PLEKHH2: variants seen among roughly 807,000 people sequenced by gnomAD.
PLEKHH2 encodes the protein pleckstrin homology, MyTH4 and FERM domain containing H2.
In PLEKHH2, 129 loss-of-function variants were observed where a neutral mutation model predicts 187.9. The ratio of observed to expected loss-of-function variants is 0.69; its 90% CI spans 0.59 to 0.79. PLEKHH2 has a LOEUF of 0.79. PLEKHH2 is among the 30% of genes least tolerant of loss of function. PLEKHH2 has a pLI of 0.00. For synonymous variants in PLEKHH2, 686 were observed against 605.6 expected, an observed-to-expected ratio of 1.13 and a Z score of -1.95; for missense variants, 2,076 against 1,751.2, an observed-to-expected ratio of 1.19 and a Z score of -3.31.
chr2:43,638,788 C>G (rs926740225), intron 1 of PLEKHH2, among the ~76,000 whole-genome samples: 2 of 147,002 alleles, frequency 1.4e-5, no homozygotes, highest in African/African-American at 2.6e-5. Context: ...AGATGGTGCA[C>G]TAATACAACA....
chr2:43,744,939 A>G (rs1327735913), intron 23 of PLEKHH2, among the ~76,000 whole-genome samples: 1 of 152,074 alleles, frequency 6.6e-6, no homozygotes, highest in Non-Finnish European at 1.5e-5. Context: ...GGAAATGAAA[A>G]GGGAGGGATT....
At chr2:43,644,989 T>A (rs1487421897) in intron 2 of PLEKHH2, among the ~76,000 whole-genome samples, 193 bp downstream of exon 2, 1 of 152,162 alleles carries the variant, frequency 6.6e-6, no homozygotes, top group African/African-American at 2.4e-5. Flanking sequence ...TTGCAAATGC[T>A]AGTGGCATAT....
At chr2:43,721,524 T>C (rs1670480016) in intron 16 of PLEKHH2, among the ~76,000 whole-genome samples, 1 of 152,142 alleles carries the variant, frequency 6.6e-6, no homozygotes, top group East Asian at 1.9e-4. Context: ...CCAGCTGTAT[T>C]TAAAATACAT....
At chr2:43,688,055 C>A (rs930686577) in intron 3 of PLEKHH2, among the ~76,000 whole-genome samples, 3 of 152,200 alleles carry the variant, frequency 2.0e-5, no homozygotes, top group Admixed American at 6.5e-5. Context: ...CCCTCCTCGG[C>A]CTCCCAAAGT....
chr2:43,668,211 T>C (rs765490241), intron 2 of PLEKHH2, among the ~76,000 whole-genome samples: 15 of 152,184 alleles, frequency 9.9e-5, no homozygotes, highest in Non-Finnish European at 1.9e-4. Flanking sequence ...TTTTGTGTTT[T>C]AATAGAGACA....
rs1044632069 is a variant in PLEKHH2 at position 43,751,198 on chromosome 2, T to C, written c.3654-2421T>C. ...GCTTTGTAGATATTTGTCGTTACCATGAGTATGACGCATACGTACAAGAGG... is the reference window on the plus strand; with the variant it reads ...GCTTTGTAGATATTTGTCGTTACCACGAGTATGACGCATACGTACAAGAGG... On this transcript the variant is annotated intron_variant, in intron 24 of 29. Transcript: ENST00000282406. 3.3e-5 allele frequency among the ~76,000 whole-genome samples: 5 copies of C among 152,228 alleles called. No homozygotes were observed. The East Asian group carries it at 7.7e-4, about 23-fold the overall frequency.
At chr2:43,721,935 C>G (rs368773609) in intron 16 of PLEKHH2, among the ~76,000 whole-genome samples, 1 of 151,596 alleles carries the variant, frequency 6.6e-6, no homozygotes, top group Non-Finnish European at 1.5e-5. Flanking sequence ...GGGAAAATGC[C>G]GACATACAAA....
At chr2:43,731,225 C>T (rs1008002545) in intron 18 of PLEKHH2, among the ~76,000 whole-genome samples, 2 of 152,070 alleles carry the variant, frequency 1.3e-5, no homozygotes, top group South Asian at 2.1e-4. Flanking sequence ...AGAACTTACT[C>T]ATGTAACCAC....
chr2:43,743,862 T>C lies in PLEKHH2; in HGVS notation c.3428T>C (p.Val1143Ala). Residue 1143 changes from valine (V) to alanine (A), a missense_variant, in exon 23 of 30, where the codon GTG becomes GCG. By Grantham distance (64) the Val-to-Ala change is moderately conservative. Transcript: ENST00000282406. ...GTTGGTTTTGACGCATCTACCACAG[T>C]GGAAGAATTTTTGAATACTTTGAAC... ...QVVGFDASTTVEEFLNTLNQD... is the reference protein window; with the variant it reads ...QVVGFDASTTAEEFLNTLNQD... The C allele has an allele frequency of 6.2e-7, 1 of 1,614,004 alleles. No homozygotes were observed. The highest frequency in any genetic ancestry group is 8.5e-7 in the Non-Finnish European group (1 of 1,179,932).
chr2:43,657,149 G>T (rs969597257), intron 2 of PLEKHH2, among the ~76,000 whole-genome samples: 2 of 152,228 alleles, frequency 1.3e-5, no homozygotes, highest in African/African-American at 4.8e-5. Flanking sequence ...GATCACTCAT[G>T]TGACTGCATT....
chr2:43,763,396 A>T (rs962755172), intron 28 of PLEKHH2, among the ~76,000 whole-genome samples: 1 of 150,990 alleles, frequency 6.6e-6, no homozygotes, highest in Non-Finnish European at 1.5e-5. Context: ...TATTAGTTAC[A>T]TTTTATTTTA....
At chr2:43,690,059 C>T (rs1441830088) in intron 3 of PLEKHH2, among the ~76,000 whole-genome samples, 1 of 152,110 alleles carries the variant, frequency 6.6e-6, no homozygotes, top group Non-Finnish European at 1.5e-5. Context: ...TACTCTGTGC[C>T]CAGAGGAGAA....
intron 15 of PLEKHH2, among the ~76,000 whole-genome samples, chr2:43,717,243 C>T (rs1345425085): frequency 1.3e-5 from 2 of 152,130 alleles, no homozygotes; most frequent in African/African-American, 4.8e-5. Flanking sequence ...CATGGTGAAA[C>T]CTTGTCTTCT....
At position 43,713,596 on chromosome 2, in the gene PLEKHH2, G is replaced by A. The variant is rs192142512; in HGVS notation, c.2460+1213G>A. 4.3e-3 allele frequency among the ~76,000 whole-genome samples: 644 copies of A among 150,694 alleles called. 3 individuals carry two copies. Among genetic ancestry groups the A allele is most frequent in the South Asian group, 6.3e-3 (30 of 4,782 alleles). On this transcript the variant is annotated intron_variant, in intron 15 of 29. Coordinates refer to ENST00000282406, the MANE Select transcript of PLEKHH2 (RefSeq NM_172069.4). ...TTGTTGTAAGTATTTATAGAAAAAT[G>A]TCTGGGAAATATACCAAAGTATATT...
intron 1 of PLEKHH2, among the ~76,000 whole-genome samples, chr2:43,638,580 T>C (rs1467448465): frequency 6.6e-6 from 1 of 152,188 alleles, no homozygotes; most frequent in East Asian, 1.9e-4. Context: ...GAAGTGAAGA[T>C]AGATTATTTT....
At chr2:43,669,753 C>T (rs140178908) in intron 2 of PLEKHH2, among the ~76,000 whole-genome samples, 2 of 151,872 alleles carry the variant, frequency 1.3e-5, no homozygotes, top group Non-Finnish European at 2.9e-5. Context: ...TTGGCCCAGG[C>T]TAGAGTGCGG....
intron 27 of PLEKHH2, among the ~76,000 whole-genome samples, chr2:43,761,699 C>T (rs1672435881): frequency 6.6e-6 from 1 of 152,120 alleles, no homozygotes; most frequent in African/African-American, 2.4e-5. Context: ...GCGAGAGCCA[C>T]AACACCCAGT....
In PLEKHH2 at chr2:43,767,366, C is replaced by T. The variant is rs2104637985; in HGVS notation, c.*1768C>T. 1 of 152,404 alleles carries T rather than the reference C, an allele frequency of 6.6e-6. No homozygotes were observed. Among genetic ancestry groups the T allele is most frequent in the Admixed American group, 6.5e-5 (1 of 15,286 alleles). The allele number at this position is 152,404 out of a possible 1,614,324, so 9.4% of individuals were successfully genotyped here. On this transcript the variant is annotated 3_prime_UTR_variant, in exon 30 of 30. Transcript: ENST00000282406. ...TTAGAAGGGACAGAACTAAGAAATA[C>T]ATTGCTCAAATAATATTTTACTTTA...
chr2:43,764,515 T>C (rs1672551217), intron 29 of PLEKHH2, 150 bp downstream of exon 29: 1 of 796,532 alleles, frequency 1.3e-6, no homozygotes, highest in Non-Finnish European at 1.9e-6. Flanking sequence ...ACGTTATTTA[T>C]AGTCAAACAA....
Sources: allele counts gnomAD v4.1 joint callset (sites outside exome capture counted in the v4.1 genomes callset), GRCh38; gene constraint gnomAD v4.1.1; transcripts MANE v1.5; gene names NCBI Gene and HGNC (gene_info 2026-07-23, HGNC 2026-07-21).